UBR3: variants seen among roughly 807,000 people sequenced by gnomAD.
UBR3 encodes E3 ubiquitin-protein ligase UBR3.
Under a neutral mutation model 243.2 loss-of-function variants are expected in UBR3, and 85 were observed. The observed-to-expected ratio is 0.35, with a 90% CI of 0.29 to 0.42. The LOEUF is 0.42. Ranked by LOEUF, UBR3 falls within the 10% of genes least tolerant of loss-of-function variation. The probability of loss-of-function intolerance (pLI) is 1.00; values close to 1 mark genes in which losing one functional copy is unlikely to be tolerated. For synonymous variants in UBR3, 748 were observed against 799.8 expected (o/e 0.94, Z 1.09); for missense variants, 1,686 against 2,300.8 (o/e 0.73, Z 5.47).
chr2:170,020,464 A>G (rs1559193460), intron 30 of UBR3, among the ~76,000 whole-genome samples: 1 of 152,188 alleles, frequency 6.6e-6, no homozygotes, highest in Non-Finnish European at 1.5e-5. Context: ...CTAGGATCAT[A>G]AGCATGTGCT....
rs201380069 is a variant in UBR3 at position 169,937,501 on chromosome 2, C to T, written c.2663+4493C>T. Among the ~76,000 whole-genome samples, 17 of 152,288 alleles carry T rather than the reference C, an allele frequency of 1.1e-4. No homozygotes were observed. The East Asian group carries it at 2.9e-3, about 26-fold the overall frequency. On this transcript the variant is annotated intron_variant, in intron 19 of 38. Transcript: ENST00000272793. Reference sequence around the variant, plus strand: ...TAGTTTCTTTTGCAGTGCAGAAACTCTTTAGTTTGATTAGATCCCATTTGT... The same window carrying T: ...TAGTTTCTTTTGCAGTGCAGAAACTTTTTAGTTTGATTAGATCCCATTTGT...
At chr2:170,052,975 T>C (rs977058514) in intron 32 of UBR3, among the ~76,000 whole-genome samples, 3 of 152,190 alleles carry the variant, frequency 2.0e-5, no homozygotes, top group African/African-American at 7.2e-5. Flanking sequence ...ATAATTTTTG[T>C]CAATTATACC....
intron 19 of UBR3, among the ~76,000 whole-genome samples, chr2:169,936,917 A>G (rs1186991562): frequency 6.6e-6 from 1 of 152,124 alleles, no homozygotes. Context: ...AATCCAGTCT[A>G]TCATTGTTGG....
At chr2:169,851,071 G>A (rs1445971442) in intron 1 of UBR3, among the ~76,000 whole-genome samples, 1 of 152,090 alleles carries the variant, frequency 6.6e-6, no homozygotes, top group African/African-American at 2.4e-5. Flanking sequence ...ACTATTCACA[G>A]TTGTTTTAAT....
At chr2:170,023,973 AT>A (rs1304117588) in intron 30 of UBR3, among the ~76,000 whole-genome samples, 1 of 151,830 alleles carries the variant, frequency 6.6e-6, no homozygotes, top group Admixed American at 6.6e-5. Flanking sequence ...AAGTGCTGGG[AT>A]TACAGGCATG....
At chr2:170,072,338 C>A (rs530490331) in intron 35 of UBR3, among the ~76,000 whole-genome samples, 1 of 151,504 alleles carries the variant, frequency 6.6e-6, no homozygotes, top group Non-Finnish European at 1.5e-5. Context: ...AACCAAACAC[C>A]GCATATTCTC....
At chr2:169,910,492 C>A (rs1384233327) in intron 10 of UBR3, among the ~76,000 whole-genome samples, 4 of 152,006 alleles carry the variant, frequency 2.6e-5, no homozygotes, top group African/African-American at 9.7e-5. Flanking sequence ...TATTTCCGGG[C>A]AGTAGTTCAT....
Position 170,073,624 on chromosome 2 carries a change from G to T in UBR3, c.5199+17G>T, listed in dbSNP as rs770669173. The T allele has an allele frequency of 6.2e-7, 1 of 1,608,558 alleles. No individual in the cohort carries two copies. ...CAAGGAAAGGTATGTTAAAAGAGTT[G>T]TACTAGCTTGTCACGGTGGTGATAT... On this transcript the variant is annotated intron_variant, in intron 36 of 38. Coordinates refer to ENST00000272793, the MANE Select transcript of UBR3 (RefSeq NM_172070.4).
chr2:170,024,960 G>T (rs1255706973), intron 30 of UBR3, among the ~76,000 whole-genome samples: 1 of 152,128 alleles, frequency 6.6e-6, no homozygotes, highest in African/African-American at 2.4e-5. Flanking sequence ...AGAGTTGGGG[G>T]TCAGTCTCTT....
At position 169,983,675 on chromosome 2, in the gene UBR3, C is replaced by T. The variant is rs563970291; in HGVS notation, c.3635-2970C>T. ...TATCACATTGTGAAGAGCATGGATA[C>T]AGGGAGGAGTGGAGAATTGGGGCCA... On this transcript the variant is annotated intron_variant, in intron 24 of 38. Coordinates refer to ENST00000272793, the MANE Select transcript of UBR3 (RefSeq NM_172070.4). Among the ~76,000 whole-genome samples the T allele has an allele frequency of 3.9e-5, 6 of 152,224 alleles. No homozygotes were observed. In the East Asian group the frequency reaches 1.2e-3, roughly 29 times the overall value.
intron 11 of UBR3, among the ~76,000 whole-genome samples, chr2:169,916,177 A>C (rs946313811): frequency 6.6e-6 from 1 of 152,112 alleles, no homozygotes; most frequent in Non-Finnish European, 1.5e-5. Context: ...ACATATTTGC[A>C]TCTATATTTT....
At position 169,951,816 on chromosome 2, in the gene UBR3, A is replaced by G. The variant is rs72874423; in HGVS notation, c.3545+1751A>G. Reference sequence around the variant, plus strand: ...AAAGAGAGGAGGAGATGTGTATGAGATATTTAGCAGGTACAAGTTGTTAGA... The same window carrying G: ...AAAGAGAGGAGGAGATGTGTATGAGGTATTTAGCAGGTACAAGTTGTTAGA... On this transcript the variant is annotated intron_variant, in intron 23 of 38. Transcript: ENST00000272793. Among the ~76,000 whole-genome samples, 5 of 152,198 alleles carry G rather than the reference A, an allele frequency of 3.3e-5. No individual in the cohort carries two copies. In the East Asian group the frequency reaches 9.6e-4, roughly 29 times the overall value.
At chr2:169,924,930 G>A (rs1225410111) in intron 13 of UBR3, among the ~76,000 whole-genome samples, 1 of 152,128 alleles carries the variant, frequency 6.6e-6, no homozygotes, top group Non-Finnish European at 1.5e-5. Context: ...CTACTCGGGA[G>A]GCTGAGGCAA....
intron 30 of UBR3, among the ~76,000 whole-genome samples, chr2:170,016,598 G>T (rs1010181254): frequency 6.6e-6 from 1 of 151,608 alleles, no homozygotes; most frequent in Non-Finnish European, 1.5e-5. Flanking sequence ...TTGATGTTTG[G>T]CATTGGCTGA....
At chr2:169,899,806 C>T (rs180973665) in intron 8 of UBR3, among the ~76,000 whole-genome samples, 18 of 152,272 alleles carry the variant, frequency 1.2e-4, no homozygotes, top group Admixed American at 1.1e-3. Flanking sequence ...CAGTTTCATC[C>T]ATGTCCTGCA....
chr2:170,020,273 A>C (rs2090354928), intron 30 of UBR3, among the ~76,000 whole-genome samples: 1 of 152,196 alleles, frequency 6.6e-6, no homozygotes, highest in Admixed American at 6.5e-5. Flanking sequence ...TATAATGGTC[A>C]AAAGGTATAA....
chr2:170,035,910 T>TTGGGGGG (rs71006065), intron 31 of UBR3, among the ~76,000 whole-genome samples: 1 of 120,434 alleles, frequency 8.3e-6, no homozygotes, highest in East Asian at 2.7e-4. Context: ...AGTATTTTAT[T>TTGGGGGG]GGGGGGGGGG....
chr2:169,854,288 G>A (rs532999836), intron 1 of UBR3, among the ~76,000 whole-genome samples: 1 of 152,296 alleles, frequency 6.6e-6, no homozygotes, highest in African/African-American at 2.4e-5. Context: ...ACAATAGGAA[G>A]AAAACCTGTA....
chr2:170,019,581 A>G (rs1370712545), intron 30 of UBR3, among the ~76,000 whole-genome samples: 1 of 151,942 alleles, frequency 6.6e-6, no homozygotes, highest in Admixed American at 6.6e-5. Context: ...GCTACTCAGG[A>G]GATGGAGGTG....
Sources: allele counts gnomAD v4.1 joint callset (sites outside exome capture counted in the v4.1 genomes callset), GRCh38; gene constraint gnomAD v4.1.1; transcripts MANE v1.5; gene names NCBI Gene and HGNC (gene_info 2026-07-23, HGNC 2026-07-21).